The following ARHGAP45 variants were observed in gnomAD, a reference collection of about 807,000 sequenced individuals.
ARHGAP45 encodes the protein Rho GTPase activating protein 45.
A neutral mutation model predicts 116.1 loss-of-function variants in ARHGAP45; 56 were observed. That is an observed-to-expected ratio of 0.48 (90% confidence interval 0.39 to 0.60). The LOEUF is 0.60. ARHGAP45 is among the 20% of genes least tolerant of loss of function. The pLI, the probability that ARHGAP45 is intolerant of heterozygous loss-of-function variation, is 0.00. For synonymous variants in ARHGAP45, 866 were observed against 701.7 expected (o/e 1.23, Z -3.70); for missense variants, 1,622 against 1,601.0 (o/e 1.01, Z -0.22).
In ARHGAP45 at chr19:1,085,640, C is replaced by T. The variant is rs1191664408; in HGVS notation, c.3065-20C>T. On this transcript the variant is annotated intron_variant, in intron 22 of 22. Transcript: ENST00000313093. ...ATCTCTCCTGTCTGTCTCCCCCCGC[C>T]ATCTGTCTCCCTTTCTTAGAATCCC... is the stretch of plus-strand genomic sequence containing the variant. 2.0e-6 allele frequency: 3 copies of T among 1,516,242 alleles called. No individual in the cohort carries two copies. Among genetic ancestry groups the T allele is most frequent in the South Asian group, 1.3e-5 (1 of 79,064 alleles). The allele number at this position is 1,516,242 out of a possible 1,614,324, so 93.9% of individuals were successfully genotyped here.
chr19:1,076,956 T>C, intron 10 of ARHGAP45: 1 of 884,540 alleles, frequency 1.1e-6, no homozygotes, highest in Non-Finnish European at 1.4e-6. Context: ...CTCAAACTCC[T>C]GGCCTCAAGT....
rs1568464614 is a variant in ARHGAP45 at position 1,076,481 on chromosome 19, G to GTTT, written c.1186-1375_1186-1374insTTT. Among the ~76,000 whole-genome samples, 27 of 104,142 alleles carry GTTT rather than the reference G, an allele frequency of 2.6e-4. 1 individual carries two copies. The highest frequency in any genetic ancestry group is 1.0e-3 in the African/African-American group (26 of 25,318). 68.3% of individuals were successfully genotyped at this position (104,142 alleles called of 152,430 possible). On this transcript the variant is annotated intron_variant, in intron 10 of 22. Transcript: ENST00000313093. ...TAGAAACCTGTGATTGTTGGCAGTA[G>GTTT]TCTTTTTTTTTTTTTTTTTTTTTTT... is the stretch of plus-strand genomic sequence containing the variant.
intron 11 of ARHGAP45, among the ~76,000 whole-genome samples, chr19:1,078,515 C>A (rs2145056635): frequency 6.7e-6 from 1 of 149,284 alleles, no homozygotes; most frequent in Non-Finnish European, 1.5e-5. Flanking sequence ...TCACTGCAAC[C>A]TCCGCCTCCC....
chr19:1,086,199 G>A lies in ARHGAP45; in HGVS notation c.*193G>A. On this transcript the variant is annotated 3_prime_UTR_variant, in exon 23 of 23. Transcript: ENST00000313093. ...GGAGCACGAGGGCCTTGCGGCACAG[G>A]ACTGTGCCCTGTGCTGTCCCCTGCA... is the stretch of plus-strand genomic sequence containing the variant. 1 of 599,324 alleles carries A rather than the reference G, an allele frequency of 1.7e-6. No individual in the cohort carries two copies. The highest frequency in any genetic ancestry group is 3.0e-6 in the Non-Finnish European group (1 of 337,348). 37.1% of individuals were successfully genotyped at this position (599,324 alleles called of 1,614,324 possible).
intron 22 of ARHGAP45, among the ~76,000 whole-genome samples, chr19:1,085,443 C>T (rs530118929): frequency 3.9e-5 from 6 of 151,982 alleles, no homozygotes; most frequent in Non-Finnish European, 8.8e-5. Context: ...TTCCGTTTCT[C>T]CCCTTGTCTC....
At position 1,084,312 on chromosome 19, in the gene ARHGAP45, C is replaced by T; in HGVS notation, c.3030C>T (p.Tyr1010=). 1 of 1,611,696 alleles carries T rather than the reference C, an allele frequency of 6.2e-7. No homozygotes were observed. Among genetic ancestry groups the T allele is most frequent in the South Asian group, 1.1e-5 (1 of 90,960 alleles). The change falls in exon 22 of 23, where the codon TAC becomes TAT. Residue 1010 remains tyrosine, a synonymous_variant. Coordinates refer to ENST00000313093, the MANE Select transcript of ARHGAP45 (RefSeq NM_012292.5). ...TGGAGGCGGGCGAGGCGGTGGTCTACCCGCTGCAGGAGGCGGCGGCGGACG... is the reference window on the plus strand; with the variant it reads ...TGGAGGCGGGCGAGGCGGTGGTCTATCCGCTGCAGGAGGCGGCGGCGGACG... The part of the protein sequence containing the change: ...PYLEAGEAVV[Y]PLQEAAADGC...
chr19:1,068,711 C>G lies in ARHGAP45; in HGVS notation c.388C>G (p.Leu130Val). ...LADVARFAEGLEKLKECVLRD... is the reference protein window; with the variant it reads ...LADVARFAEGVEKLKECVLRD... ...GGACGTGGCCCGCTTCGCTGAGGGC[C>G]TTGAGAAACTTAAGGAGTGTGTGTT... The change falls in exon 2 of 23, where the codon CTT becomes GTT. Residue 130 changes from leucine to valine, a missense_variant. Coordinates refer to ENST00000313093, the MANE Select transcript of ARHGAP45 (RefSeq NM_012292.5). This position sits in a 1 kb window ranked among gnomAD's most constrained non-coding sequence, Gnocchi z 7.5. The G allele has an allele frequency of 6.2e-7, 1 of 1,612,614 alleles. No homozygotes were observed. Among genetic ancestry groups the G allele is most frequent in the African/African-American group, 1.3e-5 (1 of 75,060 alleles).
upstream of ARHGAP45, chr19:1,067,079 G>A: frequency 3.7e-6 from 3 of 810,928 alleles, no homozygotes; most frequent in Non-Finnish European, 4.6e-6. Flanking sequence ...CCCACCCCGC[G>A]AGCGGCGCGG....
In ARHGAP45 at chr19:1,071,226, AC is replaced by A. The variant is rs1341661707; in HGVS notation, c.422-1918del. 1.4e-6 allele frequency: 2 copies of A among 1,449,710 alleles called. No homozygotes were observed. The highest frequency in any genetic ancestry group is 1.3e-5 in the South Asian group (1 of 78,458). 89.8% of individuals were successfully genotyped at this position (1,449,710 alleles called of 1,614,324 possible). A position where few individuals can be genotyped will look rare whatever the true frequency, so the allele number is the denominator to read the frequency against. ...GCCGGAGCCGGTTTGGCCACCGGAG[AC>A]CCCCATCGGTCAGCTGCCAGGCCCC... On this transcript the variant is annotated intron_variant, in intron 2 of 22. Coordinates refer to ENST00000313093, the MANE Select transcript of ARHGAP45 (RefSeq NM_012292.5). The surrounding 1 kb of genome is among the most constrained non-coding windows in gnomAD (Gnocchi z 4.6).
chr19:1,066,189 G>T, upstream of ARHGAP45: 1 of 1,531,460 alleles, frequency 6.5e-7, no homozygotes, highest in Non-Finnish European at 8.7e-7. Flanking sequence ...GTTTGGGAAA[G>T]GAAAGAGGTT....
At position 1,077,918 on chromosome 19, in the gene ARHGAP45, A is replaced by G; in HGVS notation, c.1247A>G (p.His416Arg). The change falls in exon 11 of 23, where the codon CAC becomes CGC. Residue 416 changes from histidine (H) to arginine (R), a missense_variant. By Grantham distance (29) the His-to-Arg change is conservative. This residue lies in a region of ARHGAP45 where 1,334 missense variants were observed against 1,263.8 expected (regional missense o/e 1.06). Transcript: ENST00000313093. ...KQGYVQRCED[H>R]DKARFLVAKA... ...GGTTACGTGCAGCGCTGCGAGGACC[A>G]CGACAAGGCTCGCTTCCTCGTGGCC... 3 of 1,554,160 alleles carry G rather than the reference A, an allele frequency of 1.9e-6. No individual in the cohort carries two copies. Among genetic ancestry groups the G allele is most frequent in the Non-Finnish European group, 2.6e-6 (3 of 1,148,390 alleles).
At chr19:1,078,216 T>C (rs942881090) in intron 11 of ARHGAP45, among the ~76,000 whole-genome samples, 171 bp downstream of exon 11, 2 of 151,370 alleles carry the variant, frequency 1.3e-5, no homozygotes, top group African/African-American at 2.4e-5. Context: ...CAGTCTCGGC[T>C]CACTGCAAGC....
Position 1,074,005 on chromosome 19 carries a change from T to C in ARHGAP45, c.781T>C (p.Cys261Arg). 6.3e-7 allele frequency: 1 copy of C among 1,597,088 alleles called. No homozygotes were observed. Among genetic ancestry groups the C allele is most frequent in the South Asian group, 1.1e-5 (1 of 88,958 alleles). ...GGGCACGCCTCCCAGCCTGGAAGAC[T>C]GTGACGCCGGTAAGCCCCCACCCAG... is the stretch of plus-strand genomic sequence containing the variant. ...SEGTPPSLED[C>R]DAGCLPAEEV... The change falls in exon 6 of 23, where the codon TGT becomes CGT. Residue 261 changes from cysteine to arginine, a missense_variant. This residue lies in a region of ARHGAP45 where 1,334 missense variants were observed against 1,263.8 expected (regional missense o/e 1.06). Transcript: ENST00000313093.
chr19:1,081,292 C>T (rs554183650), intron 17 of ARHGAP45: 33 of 648,796 alleles, frequency 5.1e-5, no homozygotes, highest in Non-Finnish European at 8.3e-5. Flanking sequence ...GTGAAGAGTC[C>T]TGGGGCTGTG....
chr19:1,085,510 T>TCCATCTCTCCTCTCTCC, intron 22 of ARHGAP45, 150 bp from the exon 23 acceptor site: 2 of 543,732 alleles, frequency 3.7e-6, no homozygotes, highest in Non-Finnish European at 6.5e-6. Context: ...TTGTCTCTCC[T>TCCATCTCTCCTCTCTCC]CCATCTCTCC....
chr19:1,067,200 G>A lies in ARHGAP45; in HGVS notation c.-206G>A, dbSNP rs1233204068. ...GAGCCGCAGGCTGAGGCCGGGAAGG[G>A]TCGGGGGCGAGGCCGCGTCGCCGCC... On this transcript the variant is annotated 5_prime_UTR_variant, in exon 1 of 23. Coordinates refer to ENST00000313093, the MANE Select transcript of ARHGAP45 (RefSeq NM_012292.5). 4 of 1,351,424 alleles carry A rather than the reference G, an allele frequency of 3.0e-6. No homozygotes were observed. The highest frequency in any genetic ancestry group is 3.1e-5 in the African/African-American group (2 of 64,632). The allele number at this position is 1,351,424 out of a possible 1,614,324, so 83.7% of individuals were successfully genotyped here.
rs5826720 is a variant in ARHGAP45, at chr19:1,069,816, CT to C, written c.421+1090del. On this transcript the variant is annotated intron_variant, in intron 2 of 22. Transcript: ENST00000313093. The surrounding 1 kb of genome is among the most constrained non-coding windows in gnomAD (Gnocchi z 4.1). ...GAACTGGGCCAGCCAGGGTGGGGCA[CT>C]TTTTTTTTTTTTTTTTTGATACAGG... 0.04 allele frequency among the ~76,000 whole-genome samples: 5,337 copies of C among 132,086 alleles called. 335 individuals carry two copies. The highest frequency in any genetic ancestry group is 0.14 in the African/African-American group (5,014 of 35,494). 86.7% of individuals were successfully genotyped at this position (132,086 alleles called of 152,430 possible). A position where few individuals can be genotyped will look rare whatever the true frequency, so the allele number is the denominator to read the frequency against.
intron 21 of ARHGAP45, among the ~76,000 whole-genome samples, chr19:1,083,665 A>C (rs2043514162): frequency 6.6e-6 from 1 of 152,104 alleles, no homozygotes; most frequent in Non-Finnish European, 1.5e-5. Context: ...CTGCAGCCAC[A>C]AGCTCCACGC....
At chr19:1,066,769 C>A (rs985918484), upstream of ARHGAP45, 3 of 153,542 alleles carry the variant, frequency 2.0e-5, no homozygotes, top group African/African-American at 7.2e-5. Context: ...TGGGGGGGAC[C>A]CTACTCTGCC....
Sources: allele counts gnomAD v4.1 joint callset (sites outside exome capture counted in the v4.1 genomes callset), GRCh38; gene constraint gnomAD v4.1.1; regional missense constraint gnomAD v4.1.1; non-coding constraint Gnocchi (gnomAD v3.1); transcripts MANE v1.5; gene names NCBI Gene and HGNC (gene_info 2026-07-23, HGNC 2026-07-21).